Variants in TRMT9B observed in about 807,000 individuals in gnomAD.
TRMT9B encodes the protein probable tRNA methyltransferase 9B.
In TRMT9B, 16 loss-of-function variants were observed where a neutral mutation model predicts 11.5. The ratio of observed to expected loss-of-function variants is 1.39; its 90% CI spans 0.94 to 2.11. The LOEUF is 2.11. Ranked by LOEUF, TRMT9B falls within the 30% of genes most tolerant of loss-of-function variation. The pLI is 0.00. For synonymous variants in TRMT9B, 274 were observed against 192.4 expected (o/e 1.42, Z -3.51); for missense variants, 941 against 553.8 (o/e 1.70, Z -7.02).
At position 13,029,220 on chromosome 8, in the gene TRMT9B, G is replaced by A. The variant is rs1850746; in HGVS notation, c.*7176G>A. 0.14 allele frequency: 22,590 copies of A among 166,826 alleles called. 2,627 individuals carry two copies. The highest frequency in any genetic ancestry group is 0.32 in the African/African-American group (13,434 of 41,404). The allele number at this position is 166,826 out of a possible 1,614,324, so 10.3% of individuals were successfully genotyped here. On this transcript the variant is annotated 3_prime_UTR_variant, in exon 5 of 5. Coordinates refer to ENST00000524591, the MANE Select transcript of TRMT9B (RefSeq NM_020844.3). ...TGTTTGTTTGTTTCAGGGAAATTTA[G>A]AACAATTATTAGATGTTATAGTGCC...
intron 2 of TRMT9B, among the ~76,000 whole-genome samples, chr8:12,991,780 A>T (rs949627519): frequency 6.6e-6 from 1 of 152,042 alleles, no homozygotes; most frequent in African/African-American, 2.4e-5. Context: ...AAAATGCACA[A>T]CTTAGCCAGG....
chr8:12,951,067 G>C (rs1353955188), intron 1 of TRMT9B, among the ~76,000 whole-genome samples: 2 of 152,204 alleles, frequency 1.3e-5, no homozygotes, highest in Admixed American at 6.5e-5. Context: ...CTGGAAGAAA[G>C]TAGTTAACGC....
chr8:12,965,877 G>T (rs1802742749), intron 1 of TRMT9B, among the ~76,000 whole-genome samples: 2 of 151,080 alleles, frequency 1.3e-5, no homozygotes, highest in South Asian at 2.1e-4. Context: ...GCCGGGTGTG[G>T]TGGCGGGCAC....
intron 2 of TRMT9B, among the ~76,000 whole-genome samples, 192 bp from the exon 3 acceptor site, chr8:13,006,010 C>T (rs1269364052): frequency 2.0e-5 from 3 of 152,148 alleles, no homozygotes; most frequent in African/African-American, 7.2e-5. Flanking sequence ...AAAAACCATG[C>T]ATTTGCTAGT....
At position 12,983,737 on chromosome 8, in the gene TRMT9B, G is replaced by A. The variant is rs574062904; in HGVS notation, c.-199-7097G>A. ...TCATCCCTAGAGGCCCCTCTTTTTG[G>A]TCCCTCAACTGCTTCTGATGTTGCT... is the stretch of plus-strand genomic sequence containing the variant. On this transcript the variant is annotated intron_variant, in intron 1 of 4. Transcript: ENST00000524591. 3.9e-5 allele frequency among the ~76,000 whole-genome samples: 6 copies of A among 152,146 alleles called. No individual in the cohort carries two copies. The South Asian group carries it at 1.2e-3, about 32-fold the overall frequency.
chr8:12,961,257 G>GCCTA (rs1433946623), intron 1 of TRMT9B, among the ~76,000 whole-genome samples: 28 of 152,136 alleles, frequency 1.8e-4, no homozygotes, highest in Admixed American at 6.5e-5. Flanking sequence ...TCCTAATACA[G>GCCTA]CCTACGAATG....
At chr8:12,987,643 G>A (rs182251386) in intron 1 of TRMT9B, among the ~76,000 whole-genome samples, 4 of 151,970 alleles carry the variant, frequency 2.6e-5, no homozygotes, top group Non-Finnish European at 4.4e-5. Context: ...AGTGAGCTAC[G>A]ATGGTGCCAC....
intron 1 of TRMT9B, among the ~76,000 whole-genome samples, chr8:12,959,629 C>T (rs1801809533): frequency 1.4e-5 from 2 of 145,904 alleles, no homozygotes; most frequent in African/African-American, 2.5e-5. Context: ...AAATGATCCT[C>T]CTGCCTCAGC....
intron 1 of TRMT9B, among the ~76,000 whole-genome samples, chr8:12,957,253 G>A (rs1193076962): frequency 6.6e-6 from 1 of 152,180 alleles, no homozygotes; most frequent in East Asian, 1.9e-4. Flanking sequence ...CTGGGCCCAT[G>A]TCTTTGTCTT....
At chr8:12,979,967 A>G (rs570561391) in intron 1 of TRMT9B, among the ~76,000 whole-genome samples, 2 of 152,140 alleles carry the variant, frequency 1.3e-5, no homozygotes, top group Non-Finnish European at 2.9e-5. Flanking sequence ...TGGCCAGGAC[A>G]CTGTCACCCC....
chr8:12,970,145 T>G (rs1803391966), intron 1 of TRMT9B: 1 of 152,190 alleles, frequency 6.6e-6, no homozygotes, highest in South Asian at 2.1e-4. Context: ...CCTGGTTTTC[T>G]TCCAGGTATG....
At chr8:13,018,859 A>T (rs887162157) in intron 4 of TRMT9B, among the ~76,000 whole-genome samples, 9 of 152,242 alleles carry the variant, frequency 5.9e-5, no homozygotes, top group African/African-American at 2.2e-4. Flanking sequence ...ATAATACCTC[A>T]ACACTATGTT....
chr8:12,956,660 G>T (rs988533870), intron 1 of TRMT9B, among the ~76,000 whole-genome samples: 1 of 152,162 alleles, frequency 6.6e-6, no homozygotes, highest in African/African-American at 2.4e-5. Context: ...CACCTGGCTT[G>T]TTAGTTCTTT....
At chr8:12,977,636 G>T (rs1246808593) in intron 1 of TRMT9B, among the ~76,000 whole-genome samples, 1 of 152,158 alleles carries the variant, frequency 6.6e-6, no homozygotes, top group African/African-American at 2.4e-5. Context: ...GGGAGGCAGA[G>T]GTTGCAGTGA....
chr8:12,964,019 T>A (rs1802485877), intron 1 of TRMT9B, among the ~76,000 whole-genome samples: 1 of 152,212 alleles, frequency 6.6e-6, no homozygotes, highest in Non-Finnish European at 1.5e-5. Context: ...ATTCACTTGT[T>A]TTTGACTCTG....
chr8:13,000,699 G>A (rs368116624), intron 2 of TRMT9B, among the ~76,000 whole-genome samples: 3 of 152,286 alleles, frequency 2.0e-5, no homozygotes, highest in African/African-American at 7.2e-5. Flanking sequence ...TGCTTGAAAA[G>A]TAGCAATAAA....
intron 2 of TRMT9B, 84 bp downstream of exon 2, chr8:12,991,115 C>T: frequency 1.8e-6 from 1 of 553,470 alleles, no homozygotes; most frequent in Non-Finnish European, 2.5e-6. Context: ...TAATTCTTCC[C>T]AATCCCTATA....
In TRMT9B at chr8:13,024,145, G is replaced by A. The variant is rs12542960; in HGVS notation, c.*2101G>A. On this transcript the variant is annotated 3_prime_UTR_variant, in exon 5 of 5. Coordinates refer to ENST00000524591, the MANE Select transcript of TRMT9B (RefSeq NM_020844.3). ...TGTAAGCTCCGCCTCCCGGGTTCAC[G>A]CCATCCTCCTGCCTCAGCCTCCCAA... 0.01 allele frequency: 1,449 copies of A among 144,702 alleles called. 14 individuals carry two copies. The highest frequency in any genetic ancestry group is 0.025 in the African/African-American group (960 of 38,978). 9.0% of individuals were successfully genotyped at this position (144,702 alleles called of 1,614,324 possible). A position where few individuals can be genotyped will look rare whatever the true frequency, so the allele number is the denominator to read the frequency against.
At chr8:13,008,649 G>A (rs980624528) in intron 3 of TRMT9B, among the ~76,000 whole-genome samples, 1 of 152,150 alleles carries the variant, frequency 6.6e-6, no homozygotes, top group African/African-American at 2.4e-5. Flanking sequence ...CAAAAATCTA[G>A]ACAGACATAC....
Sources: gnomAD v4.1 joint callset for allele counts (sites outside exome capture counted in the v4.1 genomes callset) on GRCh38, gnomAD v4.1.1 for gene constraint, MANE v1.5 for transcripts, NCBI Gene and HGNC (gene_info 2026-07-23, HGNC 2026-07-21) for gene names.